Variants in ABHD17C observed in about 807,000 individuals in gnomAD.
ABHD17C encodes alpha/beta hydrolase domain-containing protein 17C.
A neutral mutation model predicts 27.9 loss-of-function variants in ABHD17C; 11 were observed. The observed-to-expected ratio is 0.39, with a 90% CI of 0.25 to 0.65. The LOEUF (loss-of-function observed/expected upper bound fraction) is 0.65. ABHD17C is among the 30% of genes least tolerant of loss of function. The pLI, the probability that ABHD17C is intolerant of heterozygous loss-of-function variation, is 0.45. For synonymous variants in ABHD17C, 233 were observed against 209.1 expected (o/e 1.11, Z -0.98); for missense variants, 280 against 470.2 (o/e 0.60, Z 3.74).
At chr15:80,734,144 C>T (rs971536270) in intron 1 of ABHD17C, among the ~76,000 whole-genome samples, 1 of 151,978 alleles carries the variant, frequency 6.6e-6, no homozygotes, top group African/African-American at 2.4e-5. Flanking sequence ...ACCACCATGC[C>T]GGACTAATTT....
At chr15:80,747,654 C>T (rs989972816) in intron 1 of ABHD17C, among the ~76,000 whole-genome samples, 12 of 152,168 alleles carry the variant, frequency 7.9e-5, no homozygotes, top group South Asian at 2.1e-4. Flanking sequence ...GTTACGCCAA[C>T]GGGAATGAAG....
At chr15:80,746,743 C>T (rs1166698644) in intron 1 of ABHD17C, among the ~76,000 whole-genome samples, 3 of 152,198 alleles carry the variant, frequency 2.0e-5, no homozygotes, top group Non-Finnish European at 4.4e-5. Flanking sequence ...TTCCCTCTGC[C>T]TTGTCTCCTG....
intron 1 of ABHD17C, among the ~76,000 whole-genome samples, chr15:80,696,602 G>T (rs574894131): frequency 6.6e-6 from 1 of 152,278 alleles, no homozygotes; most frequent in South Asian, 2.1e-4. Flanking sequence ...GCACTGTGGG[G>T]CAGGAAGTTA....
intron 1 of ABHD17C, among the ~76,000 whole-genome samples, chr15:80,724,935 A>G (rs1894952184): frequency 6.6e-6 from 1 of 152,162 alleles, no homozygotes; most frequent in South Asian, 2.1e-4. Context: ...TACAAATCCT[A>G]TCAAAGGTCT....
intron 1 of ABHD17C, among the ~76,000 whole-genome samples, chr15:80,732,026 T>A (rs958091): frequency 0.31 from 46,883 of 152,090 alleles, 9,107 homozygotes; most frequent in East Asian, 0.63. Flanking sequence ...TGTTCACATT[T>A]AAAGTGCCAT....
intron 1 of ABHD17C, among the ~76,000 whole-genome samples, chr15:80,729,287 T>C (rs944322579): frequency 1.3e-5 from 2 of 152,194 alleles, no homozygotes; most frequent in Non-Finnish European, 2.9e-5. Flanking sequence ...TATGTAATAC[T>C]CAACTCAAAT....
intron 1 of ABHD17C, among the ~76,000 whole-genome samples, chr15:80,721,332 A>G (rs1424715254): frequency 1.3e-5 from 2 of 151,680 alleles, no homozygotes; most frequent in Non-Finnish European, 2.9e-5. Context: ...TGCTGGTCCC[A>G]TACCTGTCTG....
intron 1 of ABHD17C, among the ~76,000 whole-genome samples, chr15:80,740,543 C>T (rs373537950): frequency 1.2e-4 from 18 of 152,194 alleles, no homozygotes; most frequent in South Asian, 4.2e-4. Context: ...GGGTTTATAA[C>T]GCCAAGGGCT....
At chr15:80,728,969 G>A (rs1304786842) in intron 1 of ABHD17C, among the ~76,000 whole-genome samples, 1 of 152,234 alleles carries the variant, frequency 6.6e-6, no homozygotes, top group Non-Finnish European at 1.5e-5. Context: ...ACACGTGAGT[G>A]CCAGCCACAT....
intron 1 of ABHD17C, among the ~76,000 whole-genome samples, chr15:80,701,514 A>G (rs1894571416): frequency 6.6e-6 from 1 of 151,948 alleles, no homozygotes; most frequent in Admixed American, 6.6e-5. Flanking sequence ...CCCCATCTCT[A>G]CTAAAAATAC....
intron 1 of ABHD17C, among the ~76,000 whole-genome samples, chr15:80,705,499 CA>C (rs1894635754): frequency 1.3e-5 from 2 of 152,138 alleles, no homozygotes; most frequent in African/African-American, 4.8e-5. Flanking sequence ...ACCATAGCTG[CA>C]ACCACCTTGT....
chr15:80,752,521 A>G (rs1002377763), intron 2 of ABHD17C, among the ~76,000 whole-genome samples: 1 of 152,232 alleles, frequency 6.6e-6, no homozygotes, highest in Non-Finnish European at 1.5e-5. Context: ...TTGATAAAAC[A>G]GAGGTGGTCA....
chr15:80,698,588 T>G (rs1212690406), intron 1 of ABHD17C, among the ~76,000 whole-genome samples: 1 of 152,210 alleles, frequency 6.6e-6, no homozygotes, highest in Non-Finnish European at 1.5e-5. Context: ...TGCATTTGTG[T>G]GTCTTGGTTA....
At chr15:80,748,706 T>G (rs1178551656) in intron 1 of ABHD17C, among the ~76,000 whole-genome samples, 1 of 141,488 alleles carries the variant, frequency 7.1e-6, no homozygotes, top group Non-Finnish European at 1.5e-5. Context: ...GGGTGCCGCA[T>G]CCTTCTGCAT....
chr15:80,707,313 G>T (rs926690349), intron 1 of ABHD17C, among the ~76,000 whole-genome samples: 1 of 152,226 alleles, frequency 6.6e-6, no homozygotes, highest in African/African-American at 2.4e-5. Context: ...GATAAAGTCT[G>T]TTGGATCTGC....
intron 1 of ABHD17C, among the ~76,000 whole-genome samples, chr15:80,726,724 G>T (rs1317143445): frequency 6.6e-6 from 1 of 151,878 alleles, no homozygotes. Context: ...GTGTTAGTCA[G>T]GATGGTTAGT....
At chr15:80,714,099 G>A (rs1008721839) in intron 1 of ABHD17C, among the ~76,000 whole-genome samples, 1 of 152,144 alleles carries the variant, frequency 6.6e-6, no homozygotes, top group Non-Finnish European at 1.5e-5. Flanking sequence ...GACTACAGGT[G>A]CAGGGCACCT....
intron 1 of ABHD17C, among the ~76,000 whole-genome samples, chr15:80,731,645 A>G (rs1895058640): frequency 6.8e-6 from 1 of 146,016 alleles, no homozygotes; most frequent in South Asian, 2.3e-4. Flanking sequence ...AGTGACACGT[A>G]TATTTTTATA....
At chr15:80,750,054 G>A (rs2141524200) in intron 2 of ABHD17C, among the ~76,000 whole-genome samples, 1 of 152,294 alleles carries the variant, frequency 6.6e-6, no homozygotes, top group African/African-American at 2.4e-5. Flanking sequence ...TAAATCTTGA[G>A]CTGTATACAA....
Sources: allele counts gnomAD v4.1 joint callset (sites outside exome capture counted in the v4.1 genomes callset), GRCh38; gene constraint gnomAD v4.1.1; transcripts MANE v1.5; gene names NCBI Gene and HGNC (gene_info 2026-07-23, HGNC 2026-07-21).